Variants in EVI5L observed in about 807,000 individuals in gnomAD.
The protein encoded by EVI5L is EVI5-like protein.
A neutral mutation model predicts 106.1 loss-of-function variants in EVI5L; 30 were observed. That is an observed-to-expected ratio of 0.28 (90% CI 0.21 to 0.38). The LOEUF is 0.38. EVI5L is among the 10% of genes least tolerant of loss of function. The probability of loss-of-function intolerance (pLI) is 1.00; values close to 1 mark genes in which losing one functional copy is unlikely to be tolerated. For synonymous variants in EVI5L, 489 were observed against 483.3 expected, an observed-to-expected ratio of 1.01 and a Z score of -0.15; for missense variants, 809 against 1,098.0, an observed-to-expected ratio of 0.74 and a Z score of 3.72.
Position 7,846,618 on chromosome 19 carries a change from G to C in EVI5L, c.76G>C (p.Asp26His). The part of the protein sequence containing the change: ...LSAPTCSPTS[D>H]SENLSPDELE... ...GGCCCCCACCTGCTCCCCAACCTCT[G>C]ACTCCGAGAACCTCAGCCCCGATGA... Residue 26 changes from aspartate (D) to histidine (H), a missense_variant, in exon 2 of 20, where the codon GAC becomes CAC. Asp to His is a moderately conservative substitution (Grantham distance 81). Transcript: ENST00000538904. 1 of 1,613,816 alleles carries C rather than the reference G, an allele frequency of 6.2e-7. No individual in the cohort carries two copies.
rs559643012 is a variant in EVI5L, at chr19:7,857,800, C to T, written c.1234-391C>T. ...GGTGAATGCCCTGGGGAGCCCAGCC[C>T]TCTCCTGCCGGGGCCTCAGCTGTCC... On this transcript the variant is annotated intron_variant, in intron 12 of 19. Transcript: ENST00000538904. The surrounding 1 kb of genome is among the most constrained non-coding windows in gnomAD (Gnocchi z 4.5). 4.5e-6 allele frequency: 1 copy of T among 220,616 alleles called. No homozygotes were observed. Among genetic ancestry groups the T allele is most frequent in the African/African-American group, 2.3e-5 (1 of 43,256 alleles). The allele number at this position is 220,616 out of a possible 1,614,324, so 13.7% of individuals were successfully genotyped here.
intron 1 of EVI5L, among the ~76,000 whole-genome samples, chr19:7,846,108 C>T (rs1294620521): frequency 2.6e-5 from 4 of 152,184 alleles, no homozygotes; most frequent in African/African-American, 9.7e-5. Flanking sequence ...GCAGGGGGCT[C>T]CTGCACCCCG....
rs1979546133 is a variant in EVI5L at position 7,856,758 on chromosome 19, T to C, written c.1201-334T>C. ...GTCCGCACGAAGCCAAAAGTCCCCC[T>C]GCCCCCCACAGTTTTTCCAGCCAGC... On this transcript the variant is annotated intron_variant, in intron 11 of 19. Transcript: ENST00000538904. This position sits in a 1 kb window ranked among gnomAD's most constrained non-coding sequence, Gnocchi z 6.6. Among the ~76,000 whole-genome samples the C allele has an allele frequency of 6.6e-6, 1 of 152,046 alleles. No individual in the cohort carries two copies. The highest frequency in any genetic ancestry group is 6.5e-5 in the Admixed American group (1 of 15,278).
At position 7,863,467 on chromosome 19, in the gene EVI5L, C is replaced by A; in HGVS notation, c.2183C>A (p.Ala728Asp). The A allele has an allele frequency of 1.9e-6, 3 of 1,565,862 alleles. No individual in the cohort carries two copies. In the South Asian group the frequency reaches 3.5e-5, roughly 18 times the overall value. Residue 728 changes from alanine to aspartate, a missense_variant, in exon 20 of 20, where the codon GCT becomes GAT. Ala to Asp is a moderately radical substitution (Grantham distance 126, BLOSUM62 -2). Transcript: ENST00000538904. This position sits in a 1 kb window ranked among gnomAD's most constrained non-coding sequence, Gnocchi z 7.7. The stretch of plus-strand genomic sequence containing the variant: ...CCGCCGCCCTTCGAGGACCCGCTGG[C>A]TTTCGATGGGCTGAGCCTGGCGCGG... ...KGPPPFEDPL[A>D]FDGLSLARHL...
At chr19:7,854,892 T>C (rs1329616990) in intron 10 of EVI5L, among the ~76,000 whole-genome samples, 1 of 152,208 alleles carries the variant, frequency 6.6e-6, no homozygotes, top group African/African-American at 2.4e-5. Flanking sequence ...CTGGGAATGT[T>C]CTAGGTGTTT....
chr19:7,846,586 C>G lies in EVI5L; in HGVS notation c.44C>G (p.Ala15Gly). ...AGCCCCGACTCCTCATCCCAGGAGG[C>G]CCTGTCGGCCCCCACCTGCTCCCCA... ...TLSPDSSSQE[A>G]LSAPTCSPTS... Residue 15 changes from alanine (A) to glycine (G), a missense_variant, in exon 2 of 20, where the codon GCC (alanine) becomes GGC (glycine). Transcript: ENST00000538904. 6.2e-7 allele frequency: 1 copy of G among 1,613,810 alleles called. No individual in the cohort carries two copies. Among genetic ancestry groups the G allele is most frequent in the Non-Finnish European group, 8.5e-7 (1 of 1,179,938 alleles).
At chr19:7,843,510 AGTGT>A (rs774352688) in intron 1 of EVI5L, among the ~76,000 whole-genome samples, 1 of 50,214 alleles carries the variant, frequency 2.0e-5, no homozygotes, top group Non-Finnish European at 4.0e-5. Context: ...TAGGTGTATG[AGTGT>A]GTGTGAGAAT....
rs750869746 is a variant in EVI5L, at chr19:7,848,977, G to A, written c.384G>A (p.Leu128=). The A allele has an allele frequency of 5.6e-5, 91 of 1,613,416 alleles. No individual in the cohort carries two copies. Among genetic ancestry groups the A allele is most frequent in the Non-Finnish European group, 7.5e-5 (88 of 1,180,034 alleles). The change falls in exon 4 of 20, where the codon CTG becomes CTA. Residue 128 remains leucine, a synonymous_variant. Coordinates refer to ENST00000538904, the MANE Select transcript of EVI5L (RefSeq NM_001159944.3). This position sits in a 1 kb window ranked among gnomAD's most constrained non-coding sequence, Gnocchi z 4.8. The stretch of plus-strand genomic sequence containing the variant: ...TCCGGGCCATCGTGTGGCAGCTTCT[G>A]TGCAGCGCCACGGACATGCCCGTCA... ...HHFRAIVWQL[L]CSATDMPVKN... is the part of the protein sequence containing the mutation.
intron 1 of EVI5L, among the ~76,000 whole-genome samples, chr19:7,834,211 T>C (rs1978312348): frequency 6.6e-6 from 1 of 152,150 alleles, no homozygotes; most frequent in African/African-American, 2.4e-5. Context: ...TAGCAGGGTA[T>C]GGTGGTGCAC....
intron 1 of EVI5L, among the ~76,000 whole-genome samples, chr19:7,843,396 GGT>G (rs1174474401): frequency 7.8e-5 from 2 of 25,508 alleles, no homozygotes; most frequent in African/African-American, 2.2e-4. Flanking sequence ...TGTGTGCATA[GGT>G]GTGTGAGTGT....
At chr19:7,860,451 C>A in intron 13 of EVI5L, 110 bp from the exon 14 acceptor site, 1 of 955,782 alleles carries the variant, frequency 1.0e-6, no homozygotes, top group Admixed American at 2.8e-5. Flanking sequence ...AGCCTGGGCC[C>A]CTCTCCCTGC....
intron 17 of EVI5L, 65 bp from the exon 18 acceptor site, chr19:7,862,897 CTGCCCGCGGT>C: frequency 8.9e-7 from 1 of 1,119,850 alleles, no homozygotes; most frequent in South Asian, 1.5e-5. Context: ...TCATTCGCCC[CTGCCCGCGGT>C]CCCGCCCCCT....
rs1978325073 is a variant in EVI5L, at chr19:7,835,465, G to A, written c.-48+5084G>A. 6.6e-6 allele frequency among the ~76,000 whole-genome samples: 1 copy of A among 151,682 alleles called. No homozygotes were observed. The highest frequency in any genetic ancestry group is 2.4e-5 in the African/African-American group (1 of 41,294). ...AAAGGCTGCAGTGAGCCAAGATCGTGCCACTGCACTCCAGCCTGGGTGACA... is the reference window on the plus strand; with the variant it reads ...AAAGGCTGCAGTGAGCCAAGATCGTACCACTGCACTCCAGCCTGGGTGACA... On this transcript the variant is annotated intron_variant, in intron 1 of 19. Coordinates refer to ENST00000538904, the MANE Select transcript of EVI5L (RefSeq NM_001159944.3). This position sits in a 1 kb window ranked among gnomAD's most constrained non-coding sequence, Gnocchi z 4.1.
intron 1 of EVI5L, among the ~76,000 whole-genome samples, chr19:7,844,530 C>T (rs1978867093): frequency 6.6e-6 from 1 of 152,176 alleles, no homozygotes. Flanking sequence ...CCCTCCCAGC[C>T]CCTCCCTGCC....
At chr19:7,841,701 G>A (rs1357950830) in intron 1 of EVI5L, among the ~76,000 whole-genome samples, 1 of 152,230 alleles carries the variant, frequency 6.6e-6, no homozygotes, top group Non-Finnish European at 1.5e-5. Context: ...AGGACACGGA[G>A]AGGCTGGGAC....
At position 7,848,999 on chromosome 19, in the gene EVI5L, G is replaced by A. The variant is rs1414532179; in HGVS notation, c.406G>A (p.Val136Ile). ...QLLCSATDMP[V>I]KNQYSELLKM... is the part of the protein sequence containing the mutation. ...TCTGTGCAGCGCCACGGACATGCCCGTCAAGAACCAGTACTCCGAGCTGCT... is the reference window on the plus strand; with the variant it reads ...TCTGTGCAGCGCCACGGACATGCCCATCAAGAACCAGTACTCCGAGCTGCT... Residue 136 changes from valine to isoleucine, a missense_variant, in exon 4 of 20, where the codon GTC becomes ATC. Physicochemically the swap from Val to Ile is conservative, Grantham distance 29 (BLOSUM62 3). Coordinates refer to ENST00000538904, the MANE Select transcript of EVI5L (RefSeq NM_001159944.3). This position sits in a 1 kb window ranked among gnomAD's most constrained non-coding sequence, Gnocchi z 4.8. The A allele has an allele frequency of 6.2e-6, 10 of 1,613,456 alleles. No individual in the cohort carries two copies. The highest frequency in any genetic ancestry group is 1.6e-4 in the Middle Eastern group (1 of 6,084).
chr19:7,836,977 C>T (rs898507861), intron 1 of EVI5L, among the ~76,000 whole-genome samples: 3 of 151,906 alleles, frequency 2.0e-5, no homozygotes, highest in African/African-American at 7.3e-5. Context: ...GCAGGAGGAT[C>T]CCCTGTGGCC....
intron 1 of EVI5L, among the ~76,000 whole-genome samples, chr19:7,839,326 G>A (rs903176835): frequency 6.6e-6 from 1 of 151,442 alleles, no homozygotes; most frequent in Non-Finnish European, 1.5e-5. Context: ...AATCCAAACC[G>A]GGTCTTGGAG....
chr19:7,861,929 C>A lies in EVI5L; in HGVS notation c.1555C>A (p.Leu519Met). The A allele has an allele frequency of 1.9e-6, 3 of 1,550,504 alleles. No individual in the cohort carries two copies. Among genetic ancestry groups the A allele is most frequent in the Non-Finnish European group, 2.6e-6 (3 of 1,147,082 alleles). ...ENNVAQLQEE[L>M]KALKVREGQA... is the part of the protein sequence containing the mutation. ...CAATGTGGCGCAGCTGCAGGAGGAG[C>A]TGAAGGCGCTCAAGGTGCGGGAAGG... is the stretch of plus-strand genomic sequence containing the variant. The change falls in exon 15 of 20, where the codon CTG becomes ATG. Residue 519 changes from leucine to methionine, a missense_variant. Coordinates refer to ENST00000538904, the MANE Select transcript of EVI5L (RefSeq NM_001159944.3).
Sources: gnomAD v4.1 joint callset for allele counts (sites outside exome capture counted in the v4.1 genomes callset) on GRCh38, gnomAD v4.1.1 for gene constraint, Gnocchi (gnomAD v3.1) non-coding constraint, MANE v1.5 for transcripts, NCBI Gene and HGNC (gene_info 2026-07-23, HGNC 2026-07-21) for gene names.